ZNF790: variants seen among roughly 807,000 people sequenced by gnomAD.
ZNF790 encodes the protein zinc finger protein 790.
In ZNF790, 8 loss-of-function variants were observed where a neutral mutation model predicts 12.1. That is an observed-to-expected ratio of 0.66 (90% CI 0.39 to 1.19). The LOEUF is 1.19. Among genes scored for constraint, ZNF790 ranks in the 50% most tolerant of loss-of-function variants. The pLI is 0.01. For missense variants in ZNF790, 707 were observed against 752.2 expected (o/e 0.94, Z 0.70); for synonymous variants, 252 against 244.3 (o/e 1.03, Z -0.29).
Position 36,819,248 on chromosome 19 carries a change from G to C in ZNF790, c.1096C>G (p.His366Asp). The C allele has an allele frequency of 6.2e-7, 1 of 1,613,520 alleles. No individual in the cohort carries two copies. The highest frequency in any genetic ancestry group is 8.5e-7 in the Non-Finnish European group (1 of 1,179,802). The change falls in exon 5 of 5, where the codon CAT (histidine) becomes GAT (aspartate). Residue 366 changes from histidine (H) to aspartate (D), a missense_variant. Transcript: ENST00000356725. Reference protein sequence around the residue: ...HQRIHTGEKSHECKECGKAFI... With the variant: ...HQRIHTGEKSDECKECGKAFI... ...GCTTTTCCACATTCCTTACACTCATGAGATTTCTCACCAGTATGAATTCTC... is the reference window on the plus strand; with the variant it reads ...GCTTTTCCACATTCCTTACACTCATCAGATTTCTCACCAGTATGAATTCTC...
chr19:36,827,141 C>CACACACATAT (rs1313807327), intron 1 of ZNF790, among the ~76,000 whole-genome samples: 48 of 84,432 alleles, frequency 5.7e-4, no homozygotes, highest in African/African-American at 2.3e-3. Flanking sequence ...CACACACACA[C>CACACACATAT]ATATATATAT....
intron 2 of ZNF790, among the ~76,000 whole-genome samples, chr19:36,825,058 C>T (rs2071767648): frequency 6.6e-6 from 1 of 152,158 alleles, no homozygotes; most frequent in Non-Finnish European, 1.5e-5. Context: ...CACTGAGAGG[C>T]TATACCAGCC....
intron 1 of ZNF790, among the ~76,000 whole-genome samples, chr19:36,830,917 A>G (rs1248269053): frequency 6.6e-6 from 1 of 152,222 alleles, no homozygotes; most frequent in African/African-American, 2.4e-5. Context: ...AAGCGGGCGG[A>G]TCACGAGGTC....
At chr19:36,820,188 G>A in intron 4 of ZNF790, 74 bp from the exon 5 acceptor site, 1 of 1,449,158 alleles carries the variant, frequency 6.9e-7, no homozygotes, top group East Asian at 2.4e-5. Flanking sequence ...AATAGATATA[G>A]AAAATCTTGA....
At position 36,823,821 on chromosome 19, in the gene ZNF790, G is replaced by T. The variant is rs761168519; in HGVS notation, c.10-31C>A. ...GGAAAGAATAATTCCAAGTATTAAT[G>T]GTGAAATTTTTAAAAATAATTATAA... On this transcript the variant is annotated intron_variant, in intron 2 of 4. Coordinates refer to ENST00000356725, the MANE Select transcript of ZNF790 (RefSeq NM_206894.4). 2.5e-6 allele frequency: 4 copies of T among 1,572,500 alleles called. No homozygotes were observed. In the East Asian group the frequency reaches 6.8e-5, roughly 27 times the overall value.
At chr19:36,821,725 A>AT (rs2071677384) in intron 4 of ZNF790, among the ~76,000 whole-genome samples, 1 of 152,078 alleles carries the variant, frequency 6.6e-6, no homozygotes, top group African/African-American at 2.4e-5. Flanking sequence ...CTGGGATTAC[A>AT]GGCGCCCACC....
chr19:36,836,702 G>A (rs887999202), intron 1 of ZNF790, among the ~76,000 whole-genome samples: 2 of 152,160 alleles, frequency 1.3e-5, no homozygotes, highest in African/African-American at 2.4e-5. Flanking sequence ...AGGTTGCAGT[G>A]AGCCGTGATT....
chr19:36,829,632 A>T (rs1568339155), intron 1 of ZNF790, among the ~76,000 whole-genome samples: 1 of 152,308 alleles, frequency 6.6e-6, no homozygotes, highest in East Asian at 1.9e-4. Context: ...CAATGGCACG[A>T]TCTCGACTCA....
At chr19:36,823,515 A>G in intron 3 of ZNF790, 135 bp from the exon 4 acceptor site, 1 of 1,242,322 alleles carries the variant, frequency 8.0e-7, no homozygotes, top group African/African-American at 1.5e-5. Context: ...GAAAGATGGA[A>G]GTGCCCACTG....
intron 3 of ZNF790, 137 bp from the exon 4 acceptor site, chr19:36,823,517 T>C: frequency 8.1e-7 from 1 of 1,232,132 alleles, no homozygotes; most frequent in East Asian, 2.4e-5. Flanking sequence ...AAGATGGAAG[T>C]GCCCACTGAT....
At chr19:36,821,686 C>T (rs1317433994) in intron 4 of ZNF790, among the ~76,000 whole-genome samples, 3 of 152,122 alleles carry the variant, frequency 2.0e-5, no homozygotes, top group East Asian at 1.9e-4. Context: ...TGGGTTCAAG[C>T]GATTCTCCTG....
chr19:36,826,067 G>T (rs1288454777), intron 1 of ZNF790, among the ~76,000 whole-genome samples: 1 of 152,182 alleles, frequency 6.6e-6, no homozygotes, highest in African/African-American at 2.4e-5. Context: ...TGCAAAGCTT[G>T]TTACTTTGAA....
At chr19:36,824,636 C>T (rs1304114125) in intron 2 of ZNF790, among the ~76,000 whole-genome samples, 1 of 152,144 alleles carries the variant, frequency 6.6e-6, no homozygotes, top group African/African-American at 2.4e-5. Flanking sequence ...TTATGATCTT[C>T]AAATCACAAA....
upstream of ZNF790, among the ~76,000 whole-genome samples, chr19:36,841,660 T>C (rs2072130429): frequency 6.6e-6 from 1 of 151,426 alleles, no homozygotes; most frequent in East Asian, 2.0e-4. Flanking sequence ...GGCAGGCGGA[T>C]CACCTAAGAT....
intron 1 of ZNF790, among the ~76,000 whole-genome samples, chr19:36,835,351 A>C (rs2072024950): frequency 6.6e-6 from 1 of 152,222 alleles, no homozygotes; most frequent in Non-Finnish European, 1.5e-5. Flanking sequence ...AATCAAGTGT[A>C]AGGCAAAAAG....
At chr19:36,846,266 G>T (rs2072179565) in intron 1 of ZNF790, among the ~76,000 whole-genome samples, 1 of 152,078 alleles carries the variant, frequency 6.6e-6, no homozygotes. Flanking sequence ...CACAGATAAG[G>T]AGCTCAATGA....
intron 1 of ZNF790, among the ~76,000 whole-genome samples, chr19:36,845,140 A>G (rs1482241186): frequency 6.6e-6 from 1 of 150,908 alleles, no homozygotes; most frequent in Non-Finnish European, 1.5e-5. Flanking sequence ...AATTTAGGCC[A>G]GGCACAGTGG....
Position 36,819,825 on chromosome 19 carries a change from T to C in ZNF790, c.519A>G (p.Lys173=). 6.2e-7 allele frequency: 1 copy of C among 1,613,684 alleles called. No homozygotes were observed. Among genetic ancestry groups the C allele is most frequent in the Non-Finnish European group, 8.5e-7 (1 of 1,179,742 alleles). ...LNTGDKLNEF[K]ELGKAFISGS... ...CAGAAATAAAGGCTTTCCCCAGTTCTTTAAATTCATTCAGTTTGTCTCCTG... is the reference window on the plus strand; with the variant it reads ...CAGAAATAAAGGCTTTCCCCAGTTCCTTAAATTCATTCAGTTTGTCTCCTG... Residue 173 remains lysine, a synonymous_variant, in exon 5 of 5, where the codon AAA becomes AAG. Coordinates refer to ENST00000356725, the MANE Select transcript of ZNF790 (RefSeq NM_206894.4).
At chr19:36,831,349 T>C (rs569675429) in intron 1 of ZNF790, among the ~76,000 whole-genome samples, 6 of 139,514 alleles carry the variant, frequency 4.3e-5, no homozygotes, top group African/African-American at 1.5e-4. Flanking sequence ...GAGAAGAAAG[T>C]AATAGATAGA....
Sources: gnomAD v4.1 joint callset for allele counts (sites outside exome capture counted in the v4.1 genomes callset) on GRCh38, gnomAD v4.1.1 for gene constraint, MANE v1.5 for transcripts, NCBI Gene and HGNC (gene_info 2026-07-23, HGNC 2026-07-21) for gene names.